The following ZFP90 variants were observed in gnomAD, a reference collection of about 807,000 sequenced individuals.
ZFP90 encodes zinc finger protein 90 homolog.
ZFP90 carries 38 observed loss-of-function variants against 60.8 expected under a neutral mutation model. The ratio of observed to expected loss-of-function variants is 0.62; its 90% CI spans 0.48 to 0.82. The LOEUF (loss-of-function observed/expected upper bound fraction) is 0.82, where lower values mean the gene tolerates loss of function less well. ZFP90 is among the 40% of genes least tolerant of loss of function. ZFP90 has a pLI of 0.00. For synonymous variants in ZFP90, 287 were observed against 264.8 expected, an observed-to-expected ratio of 1.08 and a Z score of -0.82; for missense variants, 711 against 759.1, an observed-to-expected ratio of 0.94 and a Z score of 0.74.
At chr16:68,568,951 T>TA (rs1265200088), downstream of ZFP90, among the ~76,000 whole-genome samples, 1 of 152,176 alleles carries the variant, frequency 6.6e-6, no homozygotes, top group Non-Finnish European at 1.5e-5. Context: ...GTGCTGGGAT[T>TA]ACAGGTGTGA....
chr16:68,543,877 T>C (rs1171466404), intron 2 of ZFP90, among the ~76,000 whole-genome samples: 1 of 151,276 alleles, frequency 6.6e-6, no homozygotes, highest in East Asian at 1.9e-4. Context: ...TTTTTTTTTT[T>C]TTCGAGGTAG....
chr16:68,568,870 G>A (rs1375810219), downstream of ZFP90, among the ~76,000 whole-genome samples: 2 of 152,146 alleles, frequency 1.3e-5, no homozygotes, highest in Non-Finnish European at 2.9e-5. Flanking sequence ...GTAGAGATGA[G>A]TTTTCGCTAT....
At chr16:68,549,539 C>T (rs1478109666) in intron 2 of ZFP90, among the ~76,000 whole-genome samples, 3 of 151,766 alleles carry the variant, frequency 2.0e-5, no homozygotes, top group East Asian at 1.9e-4. Flanking sequence ...ATTAGCTGGG[C>T]GTGGTGGCGG....
chr16:68,562,830 C>G, intron 4 of ZFP90: 1 of 1,098,374 alleles, frequency 9.1e-7, no homozygotes. Flanking sequence ...ATGGGCTTTC[C>G]TCATTCTCTG....
Position 68,564,151 on chromosome 16 carries a change from G to A in ZFP90, c.1364G>A (p.Cys455Tyr). ...TEVKSYHCND[C>Y]GEDFSHITDF... is the part of the protein sequence containing the mutation. ...GTGAAATCCTACCATTGTAATGACT[G>A]TGGGGAAGACTTTAGTCACATTACA... The change falls in exon 5 of 5, where the codon TGT becomes TAT. Residue 455 changes from cysteine (C) to tyrosine (Y), a missense_variant. By Grantham distance (194) the Cys-to-Tyr change is radical. Transcript: ENST00000563169. 6.2e-7 allele frequency: 1 copy of A among 1,614,194 alleles called. No individual in the cohort carries two copies. The highest frequency in any genetic ancestry group is 8.5e-7 in the Non-Finnish European group (1 of 1,180,032).
At chr16:68,551,179 A>C (rs576618759) in intron 2 of ZFP90, among the ~76,000 whole-genome samples, 1 of 152,246 alleles carries the variant, frequency 6.6e-6, no homozygotes, top group East Asian at 1.9e-4. Context: ...ATCTGCTCAT[A>C]AAACTCTTTA....
chr16:68,556,573 C>T (rs562738665), intron 2 of ZFP90, among the ~76,000 whole-genome samples: 6 of 152,292 alleles, frequency 3.9e-5, no homozygotes, highest in East Asian at 3.9e-4. Context: ...AGGTGCCGGG[C>T]GTTGTTCTGG....
chr16:68,550,260 A>G lies in ZFP90; in HGVS notation c.34-7738A>G, dbSNP rs185928918. Among the ~76,000 whole-genome samples, 479 of 151,950 alleles carry G rather than the reference A, an allele frequency of 3.2e-3. 4 individuals are homozygous for G. Among genetic ancestry groups the G allele is most frequent in the Middle Eastern group, 0.02 (6 of 294 alleles). ...ATCTTTGAAATTCGGTGTGTATTTT[A>G]TTTTATTTTATTTATTTGAAACAGA... is the stretch of plus-strand genomic sequence containing the variant. On this transcript the variant is annotated intron_variant, in intron 2 of 4. Transcript: ENST00000563169.
rs1396526239 is a variant in ZFP90, at chr16:68,564,187, A to G, written c.1400A>G (p.Asp467Gly). 1 of 1,614,032 alleles carries G rather than the reference A, an allele frequency of 6.2e-7. No homozygotes were observed. The highest frequency in any genetic ancestry group is 8.5e-7 in the Non-Finnish European group (1 of 1,180,038). ...TTTAGTCACATTACAGACTTTACTG[A>G]CCATCAGAGGATCCATACTGCAGAG... ...EDFSHITDFT[D>G]HQRIHTAENP... is the part of the protein sequence containing the mutation. Residue 467 changes from aspartate (D) to glycine (G), a missense_variant, in exon 5 of 5, where the codon GAC becomes GGC. This residue lies in a region of ZFP90 where 295 missense variants were observed against 274.0 expected (regional missense o/e 1.08). Coordinates refer to ENST00000563169, the MANE Select transcript of ZFP90 (RefSeq NM_001305203.2).
chr16:68,549,678 C>CAAAAAAAAAAAAAAA (rs35335958), intron 2 of ZFP90, among the ~76,000 whole-genome samples: 1 of 62,938 alleles, frequency 1.6e-5, no homozygotes, highest in African/African-American at 7.6e-5. Context: ...GACTCCATCT[C>CAAAAAAAAAAAAAAA]AAAAAAAAAA....
intron 2 of ZFP90, among the ~76,000 whole-genome samples, chr16:68,549,201 T>C (rs965120728): frequency 6.6e-6 from 1 of 152,134 alleles, no homozygotes; most frequent in African/African-American, 2.4e-5. Flanking sequence ...CTGAGTTTAG[T>C]GTTTGCCTAG....
intron 2 of ZFP90, among the ~76,000 whole-genome samples, chr16:68,548,405 G>A (rs1276621071): frequency 7.1e-6 from 1 of 140,292 alleles, no homozygotes; most frequent in East Asian, 2.2e-4. Flanking sequence ...GAATTTAAAA[G>A]TTTTTTGTTA....
intron 2 of ZFP90, among the ~76,000 whole-genome samples, chr16:68,574,544 T>C (rs1477928153): frequency 6.6e-6 from 1 of 151,900 alleles, no homozygotes. Context: ...AGTAAAGAAT[T>C]GGGGATCAAA....
upstream of ZFP90, among the ~76,000 whole-genome samples, chr16:68,537,178 T>C (rs1219431739): frequency 1.3e-5 from 2 of 151,788 alleles, no homozygotes; most frequent in African/African-American, 4.8e-5. Context: ...CAGGTTGGAG[T>C]GCAGTGGTGC....
chr16:68,549,350 T>TA (rs1268459763), intron 2 of ZFP90, among the ~76,000 whole-genome samples: 1 of 152,166 alleles, frequency 6.6e-6, no homozygotes, highest in African/African-American at 2.4e-5. Context: ...ACTCTCCACT[T>TA]GCAGTGTCAG....
rs552027768 is a variant in ZFP90, at chr16:68,564,883, A to G, written c.*185A>G. 3.6e-6 allele frequency: 5 copies of G among 1,370,868 alleles called. No homozygotes were observed. The East Asian group carries it at 1.3e-4, about 37-fold the overall frequency. 84.9% of individuals were successfully genotyped at this position (1,370,868 alleles called of 1,614,324 possible). A position where few individuals can be genotyped will look rare whatever the true frequency, so the allele number is the denominator to read the frequency against. On this transcript the variant is annotated 3_prime_UTR_variant, in exon 5 of 5. Coordinates refer to ENST00000563169, the MANE Select transcript of ZFP90 (RefSeq NM_001305203.2). ...TAAAGACACATTCTCAGATCTGATTACAGACTAGTGTAAAAACAGCTACAT... is the reference window on the plus strand; with the variant it reads ...TAAAGACACATTCTCAGATCTGATTGCAGACTAGTGTAAAAACAGCTACAT...
intron 2 of ZFP90, among the ~76,000 whole-genome samples, chr16:68,544,864 C>CTTTTTTTTT (rs71148911): frequency 1.5e-5 from 1 of 66,564 alleles, no homozygotes; most frequent in Non-Finnish European, 2.7e-5. Flanking sequence ...CTGTGAACAC[C>CTTTTTTTTT]TTTTTTTTTT....
intron 4 of ZFP90, among the ~76,000 whole-genome samples, chr16:68,560,912 C>T (rs1467054083): frequency 1.4e-5 from 2 of 146,548 alleles, no homozygotes; most frequent in Admixed American, 6.9e-5. Context: ...GATGGAATCT[C>T]ACTCTGTCAC....
At chr16:68,553,119 A>T (rs573609478) in intron 2 of ZFP90, among the ~76,000 whole-genome samples, 50 of 152,180 alleles carry the variant, frequency 3.3e-4, no homozygotes, top group African/African-American at 1.2e-3. Flanking sequence ...GACAATGGAG[A>T]TTCAACAGTA....
Sources: gnomAD v4.1 joint callset for allele counts (sites outside exome capture counted in the v4.1 genomes callset) on GRCh38, gnomAD v4.1.1 for gene constraint, gnomAD v4.1.1 regional missense constraint, MANE v1.5 for transcripts, NCBI Gene and HGNC (gene_info 2026-07-23, HGNC 2026-07-21) for gene names.